NCKAP5: variants seen among roughly 807,000 people sequenced by gnomAD.
The protein encoded by NCKAP5 is NCK associated protein 5, also known as nck-associated protein 5.
A neutral mutation model predicts 167.0 loss-of-function variants in NCKAP5; 92 were observed. The ratio of observed to expected loss-of-function variants is 0.55; its 90% CI spans 0.47 to 0.66. The LOEUF (loss-of-function observed/expected upper bound fraction) is 0.66, where lower values mean the gene tolerates loss of function less well. Ranked by LOEUF, NCKAP5 falls within the 30% of genes least tolerant of loss-of-function variation. The pLI is 0.00. For missense variants in NCKAP5, 2,378 were observed against 2,315.0 expected, an observed-to-expected ratio of 1.03 and a Z score of -0.56; for synonymous variants, 891 against 877.4, an observed-to-expected ratio of 1.02 and a Z score of -0.27.
Position 132,837,482 on chromosome 2 carries a change from G to A in NCKAP5, c.807+23010C>T, listed in dbSNP as rs139917437. ...CTTTACCTTCCAGCCCTTCTACTGC[G>A]TCTTTTTCATTGTGGTTATCATATT... On this transcript the variant is annotated intron_variant, in intron 11 of 19. Transcript: ENST00000409261. Among the ~76,000 whole-genome samples, 39 of 151,786 alleles carry A rather than the reference G, an allele frequency of 2.6e-4. No homozygotes were observed. In the East Asian group the frequency reaches 4.5e-3, roughly 17 times the overall value.
chr2:133,081,292 A>C (rs374189338), intron 6 of NCKAP5, among the ~76,000 whole-genome samples: 2 of 152,162 alleles, frequency 1.3e-5, no homozygotes, highest in East Asian at 3.9e-4. Flanking sequence ...TTTCTTCAAA[A>C]ACTTGAATGC....
intron 3 of NCKAP5, among the ~76,000 whole-genome samples, chr2:133,444,353 AAGATAGATAGATAGATAGATAGATAGAT>A (rs3085736): frequency 6.8e-6 from 1 of 147,694 alleles, no homozygotes; most frequent in African/African-American, 2.5e-5. Context: ...GACAAAAACA[AAGATAGATAGATAGATAGATAGATAGAT>A]AGATAGATAG....
At chr2:133,506,818 C>A (rs1270493565) in intron 3 of NCKAP5, among the ~76,000 whole-genome samples, 1 of 152,162 alleles carries the variant, frequency 6.6e-6, no homozygotes, top group African/African-American at 2.4e-5. Context: ...GTCTCCTTCC[C>A]AGACTTTGAT....
At chr2:133,458,297 T>C (rs1004793425) in intron 3 of NCKAP5, among the ~76,000 whole-genome samples, 2 of 152,122 alleles carry the variant, frequency 1.3e-5, no homozygotes, top group African/African-American at 4.8e-5. Flanking sequence ...TGAAACTCTT[T>C]CAACAATGAA....
At chr2:133,479,114 A>C (rs533912625) in intron 3 of NCKAP5, among the ~76,000 whole-genome samples, 1 of 152,206 alleles carries the variant, frequency 6.6e-6, no homozygotes, top group Non-Finnish European at 1.5e-5. Flanking sequence ...GATTTTTAAC[A>C]TCTGAGTTTG....
chr2:133,168,236 T>A (rs1156491386), intron 5 of NCKAP5, among the ~76,000 whole-genome samples: 1 of 152,042 alleles, frequency 6.6e-6, no homozygotes, highest in East Asian at 1.9e-4. Context: ...TTCCTTGACT[T>A]AACAATTTCA....
chr2:132,926,149 G>A (rs965086441), intron 8 of NCKAP5: 27 of 353,454 alleles, frequency 7.6e-5, no homozygotes, highest in Admixed American at 7.5e-4. Context: ...TCGACGTTCT[G>A]TTTCTGTTTC....
the NCKAP5 span, among the ~76,000 whole-genome samples, chr2:133,673,773 T>C: frequency 6.6e-6 from 1 of 152,218 alleles, no homozygotes; most frequent in African/African-American, 2.4e-5. Flanking sequence ...TAAAGATTAA[T>C]AAAGCACATT....
chr2:132,723,926 G>A (rs1690195060), intron 19 of NCKAP5, among the ~76,000 whole-genome samples: 1 of 152,220 alleles, frequency 6.6e-6, no homozygotes, highest in Non-Finnish European at 1.5e-5. Flanking sequence ...CCCTCTCAGA[G>A]GAGTGGTTAG....
At chr2:132,753,424 T>C (rs1223695847) in intron 16 of NCKAP5, among the ~76,000 whole-genome samples, 1 of 152,178 alleles carries the variant, frequency 6.6e-6, no homozygotes, top group Non-Finnish European at 1.5e-5. Context: ...TCCTCAAATC[T>C]TATGGAAATG....
Position 133,180,021 on chromosome 2 carries a change from T to C in NCKAP5, c.207+33695A>G, listed in dbSNP as rs563148855. Among the ~76,000 whole-genome samples, 7 of 152,100 alleles carry C rather than the reference T, an allele frequency of 4.6e-5. No homozygotes were observed. In the South Asian group the frequency reaches 1.5e-3, roughly 32 times the overall value. On this transcript the variant is annotated intron_variant, in intron 5 of 19. Transcript: ENST00000409261. ...AAACAGGTAAACCCAGCGAACTCTG[T>C]GCCAAGACAAACCATCGTCAAGCTT...
intron 3 of NCKAP5, among the ~76,000 whole-genome samples, chr2:133,458,098 T>C (rs1691969854): frequency 6.6e-6 from 1 of 152,164 alleles, no homozygotes; most frequent in Non-Finnish European, 1.5e-5. Flanking sequence ...AAAGTTTTTG[T>C]TCAGTTTAAG....
chr2:133,447,235 A>G (rs914424923), intron 3 of NCKAP5, among the ~76,000 whole-genome samples: 4 of 152,162 alleles, frequency 2.6e-5, no homozygotes, highest in African/African-American at 9.7e-5. Flanking sequence ...GAGGGGCTCA[A>G]TATTGATGGG....
chr2:132,692,515 A>G (rs575610400), intron 19 of NCKAP5, among the ~76,000 whole-genome samples: 5 of 152,256 alleles, frequency 3.3e-5, no homozygotes. Flanking sequence ...CCATAAAGGC[A>G]GGGACCTTGT....
At chr2:133,317,916 G>A (rs1464184357) in intron 3 of NCKAP5, among the ~76,000 whole-genome samples, 4 of 152,158 alleles carry the variant, frequency 2.6e-5, no homozygotes, top group Non-Finnish European at 5.9e-5. Context: ...TAAGAATGAG[G>A]GCCTCTGCCT....
chr2:133,639,984 C>G, the NCKAP5 span, among the ~76,000 whole-genome samples: 1 of 152,118 alleles, frequency 6.6e-6, no homozygotes, highest in Non-Finnish European at 1.5e-5. Flanking sequence ...AGAATACATA[C>G]TATATAATAT....
chr2:132,749,777 G>A (rs565689814), intron 16 of NCKAP5, among the ~76,000 whole-genome samples: 65 of 152,094 alleles, frequency 4.3e-4, no homozygotes, highest in African/African-American at 1.5e-3. Flanking sequence ...GCTTAGCCAC[G>A]CAGGACAGTG....
chr2:132,883,368 C>T (rs1425541983), intron 8 of NCKAP5, among the ~76,000 whole-genome samples: 1 of 152,150 alleles, frequency 6.6e-6, no homozygotes, highest in East Asian at 1.9e-4. Flanking sequence ...CATTTTCACA[C>T]AGGCTTCTTC....
intron 6 of NCKAP5, among the ~76,000 whole-genome samples, chr2:132,999,474 T>A (rs1462785569): frequency 6.6e-6 from 1 of 152,236 alleles, no homozygotes; most frequent in East Asian, 1.9e-4. Flanking sequence ...CTGTTTCCAG[T>A]GTCTCAAGAG....
Sources: gnomAD v4.1 joint callset for allele counts (sites outside exome capture counted in the v4.1 genomes callset) on GRCh38, gnomAD v4.1.1 for gene constraint, MANE v1.5 for transcripts, NCBI Gene and HGNC (gene_info 2026-07-23, HGNC 2026-07-21) for gene names.